FSHR: variants seen among roughly 807,000 people sequenced by gnomAD.
The protein encoded by FSHR is follicle stimulating hormone receptor.
A neutral mutation model predicts 52.1 loss-of-function variants in FSHR; 46 were observed. The ratio of observed to expected loss-of-function variants is 0.88; its 90% confidence interval spans 0.70 to 1.13. The LOEUF (loss-of-function observed/expected upper bound fraction) is 1.13. Among genes scored for constraint, FSHR ranks in the 50% most tolerant of loss-of-function variants. The probability of loss-of-function intolerance (pLI) is 0.00; values close to 1 mark genes in which losing one functional copy is unlikely to be tolerated. For synonymous variants in FSHR, 399 were observed against 309.6 expected, an observed-to-expected ratio of 1.29 and a Z score of -3.03; for missense variants, 964 against 834.6, an observed-to-expected ratio of 1.16 and a Z score of -1.91.
Position 49,154,388 on chromosome 2 carries a change from T to C in FSHR, c.30A>G (p.Ala10=). 3 of 1,613,134 alleles carry C rather than the reference T, an allele frequency of 1.9e-6. No homozygotes were observed. Among genetic ancestry groups the C allele is most frequent in the East Asian group, 2.2e-5 (1 of 44,848 alleles). Residue 10 remains alanine, a synonymous_variant, in exon 1 of 10, where the codon GCA becomes GCG. Coordinates refer to ENST00000406846, the MANE Select transcript of FSHR (RefSeq NM_000145.4). MALLLVSLL[A]FLSLGSGCHH... is the part of the protein sequence containing the mutation. ...GACATCCTGAGCCCAAGCTCAGGAA[T>C]GCCAGCAAAGAGACCAGGAGCAGGG...
chr2:48,990,903 C>A (rs181851787), intron 4 of FSHR, among the ~76,000 whole-genome samples: 17 of 130,240 alleles, frequency 1.3e-4, no homozygotes, highest in South Asian at 9.8e-4. Flanking sequence ...AAAAAAAAAA[C>A]GATTGATAAG....
intron 4 of FSHR, among the ~76,000 whole-genome samples, chr2:48,999,167 A>G (rs1676150879): frequency 6.6e-6 from 1 of 152,090 alleles, no homozygotes; most frequent in Non-Finnish European, 1.5e-5. Context: ...TGTTCTGGAA[A>G]GTAGATACAG....
chr2:49,034,485 G>A (rs779616401), intron 2 of FSHR, among the ~76,000 whole-genome samples: 7 of 152,142 alleles, frequency 4.6e-5, no homozygotes, highest in Non-Finnish European at 1.0e-4. Flanking sequence ...TTTTCCACTT[G>A]CTTATTAGTA....
At chr2:49,018,481 A>G (rs936704130) in intron 3 of FSHR, among the ~76,000 whole-genome samples, 1 of 152,224 alleles carries the variant, frequency 6.6e-6, no homozygotes, top group Non-Finnish European at 1.5e-5. Context: ...AGTCAGTGCT[A>G]CATGGAGGTG....
chr2:49,105,637 A>G (rs1222318156), intron 1 of FSHR, among the ~76,000 whole-genome samples: 2 of 152,082 alleles, frequency 1.3e-5, no homozygotes, highest in African/African-American at 2.4e-5. Flanking sequence ...GTTGGCTCTC[A>G]TTTCCCAAAG....
chr2:49,050,389 A>G (rs17038176), intron 2 of FSHR, among the ~76,000 whole-genome samples: 1,880 of 152,276 alleles, frequency 0.012, 72 homozygotes, highest in East Asian at 0.064. Flanking sequence ...AGGAGTAGAG[A>G]ATCACTCTAG....
intron 8 of FSHR, among the ~76,000 whole-genome samples, chr2:48,972,754 AT>A (rs1402119251): frequency 6.6e-6 from 1 of 152,234 alleles, no homozygotes; most frequent in Non-Finnish European, 1.5e-5. Context: ...TTTAGGAACA[AT>A]TTAGACCAAG....
At chr2:49,137,599 G>T (rs868056716) in intron 1 of FSHR, among the ~76,000 whole-genome samples, 5 of 152,014 alleles carry the variant, frequency 3.3e-5, no homozygotes, top group Middle Eastern at 3.2e-3. Flanking sequence ...GAAAGAAATA[G>T]TAATGAAGAA....
At chr2:49,068,615 G>T (rs1170891027) in intron 1 of FSHR, among the ~76,000 whole-genome samples, 1 of 152,006 alleles carries the variant, frequency 6.6e-6, no homozygotes, top group Non-Finnish European at 1.5e-5. Context: ...CCTGTGTGAG[G>T]CCTGTTCTCT....
intron 2 of FSHR, among the ~76,000 whole-genome samples, chr2:49,047,966 C>A (rs1668719121): frequency 6.6e-6 from 1 of 152,162 alleles, no homozygotes; most frequent in African/African-American, 2.4e-5. Context: ...GCAAACTCCG[C>A]CTCCCAGGTT....
intron 8 of FSHR, among the ~76,000 whole-genome samples, chr2:48,981,044 G>T (rs1020644603): frequency 1.3e-5 from 2 of 152,084 alleles, no homozygotes; most frequent in South Asian, 2.1e-4. Flanking sequence ...TGCTATTGTG[G>T]GGATCAAAGA....
At position 49,001,604 on chromosome 2, in the gene FSHR, T is replaced by G. The variant is rs577169721; in HGVS notation, c.375-10967A>C. ...AAAAGAGTTAATATTTTAAACAGTT[T>G]GCACACCCTTCCCACAACTCATTTC... On this transcript the variant is annotated intron_variant, in intron 4 of 9. Transcript: ENST00000406846. Among the ~76,000 whole-genome samples, 3 of 152,272 alleles carry G rather than the reference T, an allele frequency of 2.0e-5. No homozygotes were observed. In the South Asian group the frequency reaches 6.2e-4, roughly 32 times the overall value.
At chr2:49,148,683 C>T (rs1672956542) in intron 1 of FSHR, among the ~76,000 whole-genome samples, 1 of 152,040 alleles carries the variant, frequency 6.6e-6, no homozygotes, top group South Asian at 2.1e-4. Context: ...TAAGGGAAGA[C>T]TTCATGAAAG....
intron 1 of FSHR, among the ~76,000 whole-genome samples, chr2:49,082,741 A>G (rs1670222985): frequency 6.6e-6 from 1 of 152,172 alleles, no homozygotes; most frequent in South Asian, 2.1e-4. Context: ...AAGAAAGGGT[A>G]TCAGCGATGG....
At chr2:49,090,716 A>G (rs866373685) in intron 1 of FSHR, among the ~76,000 whole-genome samples, 1 of 152,212 alleles carries the variant, frequency 6.6e-6, no homozygotes, top group Non-Finnish European at 1.5e-5. Flanking sequence ...GCTGTACCAC[A>G]TTGGGTTCTC....
intron 2 of FSHR, among the ~76,000 whole-genome samples, chr2:49,028,338 C>G (rs1054673148): frequency 3.9e-5 from 6 of 152,158 alleles, no homozygotes; most frequent in Non-Finnish European, 7.3e-5. Flanking sequence ...GCCCTGCTGA[C>G]TCATATTTGT....
At position 48,999,623 on chromosome 2, in the gene FSHR, T is replaced by G. The variant is rs541779686; in HGVS notation, c.375-8986A>C. 5.4e-4 allele frequency among the ~76,000 whole-genome samples: 82 copies of G among 152,120 alleles called. 2 individuals carry two copies. The highest frequency in any genetic ancestry group is 1.8e-4 in the Non-Finnish European group (12 of 68,000). On this transcript the variant is annotated intron_variant, in intron 4 of 9. Transcript: ENST00000406846. Reference sequence around the variant, plus strand: ...CTAAGATGCCTTCCAACTTAGAAACTGAGCATTTCTCTAGAAACGGTATTT... The same window carrying G: ...CTAAGATGCCTTCCAACTTAGAAACGGAGCATTTCTCTAGAAACGGTATTT...
chr2:49,023,437 T>C (rs113155106), intron 2 of FSHR, among the ~76,000 whole-genome samples: 3 of 152,320 alleles, frequency 2.0e-5, no homozygotes, highest in African/African-American at 7.2e-5. Flanking sequence ...GAGATGAAGT[T>C]TGTGGCATTC....
At position 49,154,506 on chromosome 2, in the gene FSHR, G is replaced by C. The variant is rs578059873; in HGVS notation, c.-89C>G. 5.5e-5 allele frequency: 73 copies of C among 1,331,640 alleles called. No individual in the cohort carries two copies. The South Asian group carries it at 8.5e-4, about 15-fold the overall frequency. 82.5% of individuals were successfully genotyped at this position (1,331,640 alleles called of 1,614,324 possible). A position where few individuals can be genotyped will look rare whatever the true frequency, so the allele number is the denominator to read the frequency against. ...GAAGCTCCACACAGTGCCCTTATGA[G>C]AAGAGATCTGACTTGAGAACTGGTA... On this transcript the variant is annotated 5_prime_UTR_variant, in exon 1 of 10. Coordinates refer to ENST00000406846, the MANE Select transcript of FSHR (RefSeq NM_000145.4).
Sources: gnomAD v4.1 joint callset for allele counts (sites outside exome capture counted in the v4.1 genomes callset) on GRCh38, gnomAD v4.1.1 for gene constraint, MANE v1.5 for transcripts, NCBI Gene and HGNC (gene_info 2026-07-23, HGNC 2026-07-21) for gene names.